Variants in SBSPON observed in about 807,000 individuals in gnomAD.
The protein encoded by SBSPON is somatomedin-B and thrombospondin type-1 domain-containing protein.
A neutral mutation model predicts 35.8 loss-of-function variants in SBSPON; 30 were observed. The observed-to-expected ratio is 0.84, with a 90% confidence interval of 0.63 to 1.14. The LOEUF is 1.14. SBSPON is among the 50% of genes most tolerant of loss of function. The pLI, the probability that SBSPON is intolerant of heterozygous loss-of-function variation, is 0.00. For missense variants in SBSPON, 364 were observed against 357.7 expected (o/e 1.02, Z -0.14); for synonymous variants, 136 against 135.9 (o/e 1.00, Z 0.00).
chr8:73,065,363 T>C lies in SBSPON; in HGVS notation c.*1978A>G, dbSNP rs1810367350. ...TCAGTTCTGAAGGATTTTTTTGTTT[T>C]ATTTTTGGTGAAATTTTATCATTCT... On this transcript the variant is annotated 3_prime_UTR_variant, in exon 5 of 5. Transcript: ENST00000297354. The C allele has an allele frequency of 1.3e-5, 2 of 152,240 alleles. No individual in the cohort carries two copies. The highest frequency in any genetic ancestry group is 2.9e-5 in the Non-Finnish European group (2 of 68,032). 9.4% of individuals were successfully genotyped at this position (152,240 alleles called of 1,614,324 possible).
intron 3 of SBSPON, among the ~76,000 whole-genome samples, chr8:73,070,779 T>C (rs955142180): frequency 2.0e-5 from 3 of 152,228 alleles, no homozygotes; most frequent in African/African-American, 7.2e-5. Flanking sequence ...TCTCCGAGTA[T>C]TGTAACAGAA....
In SBSPON at chr8:73,093,146, GA is replaced by G. The variant is rs1308937303; in HGVS notation, c.-80del. The G allele has an allele frequency of 9.6e-6, 7 of 728,496 alleles. No individual in the cohort carries two copies. Among genetic ancestry groups the G allele is most frequent in the Non-Finnish European group, 1.3e-5 (7 of 545,270 alleles). The allele number at this position is 728,496 out of a possible 1,614,324, so 45.1% of individuals were successfully genotyped here. On this transcript the variant is annotated 5_prime_UTR_variant, in exon 1 of 5. Transcript: ENST00000297354. ...TGATCCTCGGCTGGCCGCGGCCCGG[GA>G]GCTGCCCGAGCGGCCGGCGAGGCAC...
intron 4 of SBSPON, among the ~76,000 whole-genome samples, chr8:73,068,315 G>A (rs568290135): frequency 2.9e-4 from 44 of 151,872 alleles, no homozygotes; most frequent in Admixed American, 1.4e-3. Flanking sequence ...TGTTCTTATG[G>A]TGTGCTCAAT....
Position 73,069,941 on chromosome 8 carries a change from A to G in SBSPON, c.541T>C (p.Cys181Arg), listed in dbSNP as rs753939006. 3 of 1,609,940 alleles carry G rather than the reference A, an allele frequency of 1.9e-6. No individual in the cohort carries two copies. Among genetic ancestry groups the G allele is most frequent in the Non-Finnish European group, 2.5e-6 (3 of 1,177,472 alleles). Residue 181 changes from cysteine (C) to arginine (R), a missense_variant, in exon 4 of 5, where the codon TGT becomes CGT. Coordinates refer to ENST00000297354, the MANE Select transcript of SBSPON (RefSeq NM_153225.4). ...EFKTESLTPH[C>R]ALENWPLTRW... Reference sequence around the variant, plus strand: ...GTCAAGGGCCAGTTTTCCAGAGCACAGTGAGGAGTCAAGGACTCTGTCTTA... The same window carrying G: ...GTCAAGGGCCAGTTTTCCAGAGCACGGTGAGGAGTCAAGGACTCTGTCTTA...
intron 1 of SBSPON, among the ~76,000 whole-genome samples, chr8:73,088,226 TA>T (rs1440756725): frequency 1.3e-5 from 2 of 152,204 alleles, no homozygotes; most frequent in African/African-American, 4.8e-5. Context: ...CTTAGCCACA[TA>T]ATAACAATAA....
At chr8:73,081,697 T>A (rs919064611) in intron 1 of SBSPON, among the ~76,000 whole-genome samples, 2 of 152,082 alleles carry the variant, frequency 1.3e-5, no homozygotes, top group Non-Finnish European at 2.9e-5. Context: ...TCCCATCACC[T>A]ACTCAGGTCA....
At chr8:73,087,518 C>T (rs1465396955) in intron 1 of SBSPON, among the ~76,000 whole-genome samples, 1 of 152,166 alleles carries the variant, frequency 6.6e-6, no homozygotes, top group African/African-American at 2.4e-5. Flanking sequence ...AGTCAGGCCC[C>T]GCTCGTTTTT....
intron 2 of SBSPON, among the ~76,000 whole-genome samples, chr8:73,078,848 C>T (rs1476343407): frequency 1.3e-5 from 2 of 152,054 alleles, no homozygotes; most frequent in Non-Finnish European, 2.9e-5. Flanking sequence ...CTCCATTTGC[C>T]ACTCCACTAC....
rs1272866308 is a variant in SBSPON, at chr8:73,069,930, T to A, written c.552A>T (p.Glu184Asp). The A allele has an allele frequency of 1.9e-6, 3 of 1,611,624 alleles. No homozygotes were observed. Among genetic ancestry groups the A allele is most frequent in the Admixed American group, 1.7e-5 (1 of 59,794 alleles). The change falls in exon 4 of 5, where the codon GAA becomes GAT. Residue 184 changes from glutamate to aspartate, a missense_variant. Transcript: ENST00000297354. ...TESLTPHCAL[E>D]NWPLTRWMQY... ...GCATCCATCTAGTCAAGGGCCAGTTTTCCAGAGCACAGTGAGGAGTCAAGG... is the reference window on the plus strand; with the variant it reads ...GCATCCATCTAGTCAAGGGCCAGTTATCCAGAGCACAGTGAGGAGTCAAGG...
chr8:73,083,391 C>A (rs528914818), intron 1 of SBSPON, among the ~76,000 whole-genome samples: 1 of 152,136 alleles, frequency 6.6e-6, no homozygotes, highest in Admixed American at 6.5e-5. Context: ...AAATATTTTG[C>A]GTCGGAAGAT....
Position 73,071,772 on chromosome 8 carries a change from G to C in SBSPON, c.500+8C>G. The C allele has an allele frequency of 4.1e-6, 6 of 1,477,456 alleles. No individual in the cohort carries two copies. The highest frequency in any genetic ancestry group is 1.2e-5 in the South Asian group (1 of 81,772). The allele number at this position is 1,477,456 out of a possible 1,614,324, so 91.5% of individuals were successfully genotyped here. On this transcript the variant is annotated splice_region_variant and intron_variant, in intron 3 of 4. Transcript: ENST00000297354. ...CATGATTAAAAAAAAAAAAAAACAC[G>C]AAATTACCCAGCATCCTCTGTGTGT...
At position 73,064,866 on chromosome 8, in the gene SBSPON, A is replaced by G. The variant is rs1810358659; in HGVS notation, c.*2475T>C. 1 of 151,764 alleles carries G rather than the reference A, an allele frequency of 6.6e-6. No homozygotes were observed. Among genetic ancestry groups the G allele is most frequent in the Admixed American group, 6.6e-5 (1 of 15,246 alleles). 9.4% of individuals were successfully genotyped at this position (151,764 alleles called of 1,614,324 possible). On this transcript the variant is annotated 3_prime_UTR_variant, in exon 5 of 5. Transcript: ENST00000297354. Reference sequence around the variant, plus strand: ...ATTTTTGTTCGAATTATTTTCCATGAGCACTTTTGAAAATCAGTCTATTAA... The same window carrying G: ...ATTTTTGTTCGAATTATTTTCCATGGGCACTTTTGAAAATCAGTCTATTAA...
chr8:73,091,498 A>G (rs1156256006), intron 1 of SBSPON, among the ~76,000 whole-genome samples: 1 of 152,156 alleles, frequency 6.6e-6, no homozygotes, highest in East Asian at 1.9e-4. Flanking sequence ...AATTACCTTT[A>G]AAATGTATGC....
chr8:73,089,813 G>T (rs1810898433), intron 1 of SBSPON, among the ~76,000 whole-genome samples: 1 of 152,116 alleles, frequency 6.6e-6, no homozygotes, highest in African/African-American at 2.4e-5. Flanking sequence ...AGTGCTCTGG[G>T]CTTGCCAGGC....
intron 1 of SBSPON, chr8:73,083,734 G>A (rs1810762855): frequency 6.6e-6 from 1 of 152,210 alleles, no homozygotes; most frequent in Admixed American, 6.5e-5. Flanking sequence ...AGCTGTTAAT[G>A]GAGCCGATAG....
At chr8:73,091,874 G>A (rs1277242850) in intron 1 of SBSPON, among the ~76,000 whole-genome samples, 2 of 152,282 alleles carry the variant, frequency 1.3e-5, no homozygotes, top group Non-Finnish European at 2.9e-5. Flanking sequence ...CTGGGTATCC[G>A]GTTGCCCAGG....
At chr8:73,071,394 G>C (rs1421936163) in intron 3 of SBSPON, among the ~76,000 whole-genome samples, 1 of 152,132 alleles carries the variant, frequency 6.6e-6, no homozygotes, top group East Asian at 1.9e-4. Flanking sequence ...TGTACCAATA[G>C]GTTTCCATAA....
intron 1 of SBSPON, among the ~76,000 whole-genome samples, chr8:73,090,041 C>T (rs1810902494): frequency 6.6e-6 from 1 of 152,214 alleles, no homozygotes; most frequent in African/African-American, 2.4e-5. Flanking sequence ...CCACACCCAG[C>T]TAATTTTTGT....
At chr8:73,092,701 G>C (rs906528033) in intron 1 of SBSPON, among the ~76,000 whole-genome samples, 153 bp downstream of exon 1, 1 of 152,146 alleles carries the variant, frequency 6.6e-6, no homozygotes, top group African/African-American at 2.4e-5. Flanking sequence ...AACGGAGCCG[G>C]GCGTACCTGG....
Sources: gnomAD v4.1 joint callset for allele counts (sites outside exome capture counted in the v4.1 genomes callset) on GRCh38, gnomAD v4.1.1 for gene constraint, MANE v1.5 for transcripts, NCBI Gene and HGNC (gene_info 2026-07-23, HGNC 2026-07-21) for gene names.